Variants in EFHC2 observed in about 807,000 individuals in gnomAD.
The protein encoded by EFHC2 is EF-hand domain containing 2, also known as EF-hand domain-containing family member C2.
A neutral mutation model predicts 52.7 loss-of-function variants in EFHC2; 18 were observed. That is an observed-to-expected ratio of 0.34 (90% CI 0.24 to 0.51). The LOEUF (loss-of-function observed/expected upper bound fraction) is 0.51, where lower values mean the gene tolerates loss of function less well. Ranked by LOEUF, EFHC2 falls within the 20% of genes least tolerant of loss-of-function variation. The pLI is 0.97. For synonymous variants in EFHC2, 203 were observed against 204.1 expected (o/e 0.99, Z 0.04); for missense variants, 513 against 562.5 (o/e 0.91, Z 0.89).
At chrX:44,289,094 AT>A (rs770892690) in intron 2 of EFHC2, among the ~76,000 whole-genome samples, 8 of 110,595 alleles carry the variant, frequency 7.2e-5, no homozygotes, top group East Asian at 2.8e-4. Context: ...AATAATTCAT[AT>A]TTTTTTTCTA....
intron 2 of EFHC2, among the ~76,000 whole-genome samples, chrX:44,294,220 C>CA (rs946931638): frequency 9.4e-6 from 1 of 106,856 alleles, no homozygotes; most frequent in African/African-American, 3.4e-5. Flanking sequence ...TGTCAGCACT[C>CA]AAAAAGTTTT....
intron 11 of EFHC2, among the ~76,000 whole-genome samples, chrX:44,227,835 T>C (rs970127385): frequency 5.4e-5 from 6 of 111,704 alleles, no homozygotes; most frequent in African/African-American, 2.0e-4. Context: ...GCATTTGAGA[T>C]GAGTCCTAGA....
At chrX:44,334,601 G>A (rs774132095) in intron 1 of EFHC2, among the ~76,000 whole-genome samples, 4 of 111,662 alleles carry the variant, frequency 3.6e-5, no homozygotes, top group South Asian at 7.5e-4. Context: ...TCAGCCTCCC[G>A]AGTAGCTGGG....
intron 13 of EFHC2, among the ~76,000 whole-genome samples, chrX:44,164,361 G>T (rs2036680140): frequency 8.9e-6 from 1 of 111,903 alleles, no homozygotes; most frequent in Non-Finnish European, 1.9e-5. Context: ...AGATTTAAAG[G>T]TCCTTTTAGT....
intron 2 of EFHC2, among the ~76,000 whole-genome samples, chrX:44,281,076 C>T (rs181677527): frequency 4.5e-4 from 50 of 110,929 alleles, no homozygotes; most frequent in Non-Finnish European, 3.4e-4. Context: ...CACACCTCCA[C>T]GCCTGGCTAA....
At chrX:44,215,206 G>A (rs780731930) in intron 11 of EFHC2, among the ~76,000 whole-genome samples, 81 of 111,094 alleles carry the variant, frequency 7.3e-4, no homozygotes, top group Non-Finnish European at 1.2e-3. Flanking sequence ...TGTATAGCCT[G>A]CAAAACTGTA....
At chrX:44,151,732 G>C (rs1569271531) in intron 14 of EFHC2, among the ~76,000 whole-genome samples, 1 of 111,805 alleles carries the variant, frequency 8.9e-6, no homozygotes, top group East Asian at 2.8e-4. Context: ...GTTTTGGAGG[G>C]GACAATATTC....
intron 11 of EFHC2, among the ~76,000 whole-genome samples, chrX:44,215,561 G>A (rs973540011): frequency 1.3e-4 from 14 of 109,678 alleles, no homozygotes; most frequent in Admixed American, 8.8e-4. Context: ...GAAGGGGGAA[G>A]GCAGCGTGAT....
At chrX:44,167,792 A>G (rs2036707841) in intron 13 of EFHC2, among the ~76,000 whole-genome samples, 3 of 111,790 alleles carry the variant, frequency 2.7e-5, no homozygotes, top group Admixed American at 9.5e-5. Flanking sequence ...AGAACAAAGG[A>G]TATTTCAATT....
intron 14 of EFHC2, among the ~76,000 whole-genome samples, chrX:44,162,226 C>T (rs913268309): frequency 1.8e-5 from 2 of 111,567 alleles, no homozygotes; most frequent in Non-Finnish European, 3.8e-5. Flanking sequence ...AGTTCGAGAC[C>T]AGCCTGGCCA....
intron 11 of EFHC2, chrX:44,225,844 G>A (rs2037228855): frequency 9.0e-6 from 1 of 111,498 alleles, no homozygotes; most frequent in Admixed American, 9.5e-5. Context: ...AGAGCCAGAT[G>A]GCCCTTCCCT....
intron 3 of EFHC2, among the ~76,000 whole-genome samples, chrX:44,266,921 T>C (rs1156545421): frequency 2.7e-5 from 3 of 111,348 alleles, no homozygotes; most frequent in African/African-American, 9.8e-5. Flanking sequence ...AATACTACCT[T>C]ATTAAGGGGC....
At chrX:44,232,714 T>G in intron 9 of EFHC2, 37 bp from the exon 10 acceptor site, 2 of 1,135,800 alleles carry the variant, frequency 1.8e-6, no homozygotes, top group Non-Finnish European at 2.4e-6. Context: ...CAGCCTTTAT[T>G]CTTAAAAGAA....
intron 2 of EFHC2, among the ~76,000 whole-genome samples, chrX:44,275,390 G>C (rs2037648329): frequency 9.1e-6 from 1 of 110,019 alleles, no homozygotes; most frequent in South Asian, 3.9e-4. Flanking sequence ...AAAAGGAAGA[G>C]GAAGAGGAAA....
chrX:44,327,326 A>G (rs1341689203), intron 1 of EFHC2, among the ~76,000 whole-genome samples: 1 of 112,094 alleles, frequency 8.9e-6, no homozygotes, highest in Non-Finnish European at 1.9e-5. Flanking sequence ...GAAGTATTAA[A>G]AGAGAGTGCT....
At chrX:44,185,549 T>G (rs1478974162) in intron 11 of EFHC2, among the ~76,000 whole-genome samples, 3 of 110,899 alleles carry the variant, frequency 2.7e-5, no homozygotes, top group Admixed American at 1.9e-4. Context: ...AGTCTTTTTT[T>G]TTTTAAGAGG....
chrX:44,265,404 C>T (rs1459169029), intron 3 of EFHC2, among the ~76,000 whole-genome samples: 1 of 111,224 alleles, frequency 9.0e-6, no homozygotes, highest in Non-Finnish European at 1.9e-5. Flanking sequence ...TCCCGTGTAG[C>T]TGAGATTACG....
chrX:44,159,211 A>C (rs1023477541), intron 14 of EFHC2, among the ~76,000 whole-genome samples: 3 of 111,658 alleles, frequency 2.7e-5, no homozygotes, highest in Non-Finnish European at 5.6e-5. Context: ...GGACACTCCC[A>C]AAAAAACATC....
intron 2 of EFHC2, among the ~76,000 whole-genome samples, chrX:44,289,832 C>T (rs2037780333): frequency 9.2e-6 from 1 of 108,822 alleles, no homozygotes; most frequent in Non-Finnish European, 1.9e-5. Flanking sequence ...CAGGCACCCA[C>T]CACTACACCC....
Sources: gnomAD v4.1 joint callset for allele counts (sites outside exome capture counted in the v4.1 genomes callset) on GRCh38, gnomAD v4.1.1 for gene constraint, MANE v1.5 for transcripts, NCBI Gene and HGNC (gene_info 2026-07-23, HGNC 2026-07-21) for gene names.